The following WDR45 variants were observed in gnomAD, a reference collection of about 807,000 sequenced individuals.
The protein encoded by WDR45 is WD repeat domain 45.
In WDR45, 2 loss-of-function variants were observed where a neutral mutation model predicts 27.3. The observed-to-expected ratio is 0.07, with a 90% CI of 0.03 to 0.23. The LOEUF is 0.23. Ranked by LOEUF, WDR45 falls within the 10% of genes least tolerant of loss-of-function variation. The pLI is 1.00. For missense variants in WDR45, 175 were observed against 311.9 expected (o/e 0.56, Z 3.31); for synonymous variants, 99 against 119.2 (o/e 0.83, Z 1.11).
chrX:49,082,134 G>A (rs1324311262), upstream of WDR45: 2 of 110,315 alleles, frequency 1.8e-5, no homozygotes, highest in African/African-American at 6.6e-5. Context: ...CAATATAGTC[G>A]GCATTGGCAA....
Position 49,074,847 on chromosome X carries a change from C to T in WDR45, c.1039G>A (p.Ala347Thr). 8.3e-7 allele frequency: 1 copy of T among 1,211,781 alleles called. No individual in the cohort carries two copies. The highest frequency in any genetic ancestry group is 1.7e-5 in the African/African-American group (1 of 57,868). Residue 347 changes from alanine to threonine, a missense_variant, in exon 11 of 11, where the codon GCT becomes ACT. This residue lies in a region of WDR45 where 71 missense variants were observed against 123.0 expected (regional missense o/e 0.58). Transcript: ENST00000376372. Reference sequence around the variant, plus strand: ...CAGATGTCAAGGTACACGTCGAAAGCCTCTCTGTTGCAGTTTCCATCAGGA... The same window carrying T: ...CAGATGTCAAGGTACACGTCGAAAGTCTCTCTGTTGCAGTTTCCATCAGGA... Reference protein sequence around the residue: ...FTPDGNCNREAFDVYLDICDD... With the variant: ...FTPDGNCNRETFDVYLDICDD...
At chrX:49,085,665 C>T (rs1602546007) in intron 2 of WDR45, among the ~76,000 whole-genome samples, 1 of 112,473 alleles carries the variant, frequency 8.9e-6, no homozygotes, top group East Asian at 2.8e-4. Context: ...TGCTTGAGCC[C>T]AGGAGTTGGA....
chrX:49,076,718 C>G lies in WDR45; in HGVS notation c.268G>C (p.Asp90His). 1 of 1,208,858 alleles carries G rather than the reference C, an allele frequency of 8.3e-7. No homozygotes were observed. The highest frequency in any genetic ancestry group is 1.1e-6 in the Non-Finnish European group (1 of 893,914). ...LIWDDAREGK[D>H]SKEKLVLEFT... Reference sequence around the variant, plus strand: ...TCCAGCACCAGCTTCTCCTTGGAGTCCTTGCCCTCCCGGGCATCGTCCCAG... The same window carrying G: ...TCCAGCACCAGCTTCTCCTTGGAGTGCTTGCCCTCCCGGGCATCGTCCCAG... The change falls in exon 5 of 11, where the codon GAC becomes CAC. Residue 90 changes from aspartate (D) to histidine (H), a missense_variant. By Grantham distance (81) the Asp-to-His change is moderately conservative (BLOSUM62 -1). Around this residue, in one of 3 missense-constraint regions of WDR45, gnomAD observed 102 missense variants for 165.4 expected, o/e 0.62. Coordinates refer to ENST00000376372, the MANE Select transcript of WDR45 (RefSeq NM_001029896.2).
At chrX:49,099,582 C>T (rs1453533037) in intron 2 of WDR45, among the ~76,000 whole-genome samples, 5 of 109,892 alleles carry the variant, frequency 4.5e-5, no homozygotes, top group Non-Finnish European at 9.5e-5. Flanking sequence ...GAGATCGAGA[C>T]CATCCTGGCT....
intron 2 of WDR45, among the ~76,000 whole-genome samples, chrX:49,087,171 G>A (rs1267092829): frequency 2.8e-5 from 3 of 108,846 alleles, no homozygotes; most frequent in African/African-American, 6.7e-5. Context: ...CAGCCTGGAC[G>A]ACATGGTGAA....
At chrX:49,077,596 C>T in intron 4 of WDR45, 47 bp downstream of exon 4, 2 of 1,129,276 alleles carry the variant, frequency 1.8e-6, no homozygotes, top group Middle Eastern at 2.4e-4. Flanking sequence ...TGTGGGAGGC[C>T]AGGAATCCGA....
upstream of WDR45, among the ~76,000 whole-genome samples, chrX:49,083,580 C>T (rs1414209363): frequency 9.1e-6 from 1 of 110,343 alleles, no homozygotes; most frequent in Non-Finnish European, 1.9e-5. Context: ...GCTTATCCAT[C>T]CAAACAGATT....
intron 8 of WDR45, 23 bp from the exon 9 acceptor site, chrX:49,075,488 T>C (rs782554496): frequency 1.7e-5 from 21 of 1,207,852 alleles, no homozygotes; most frequent in Non-Finnish European, 1.9e-5. Context: ...TCAGCAGTGA[T>C]GCCCACATGT....
At chrX:49,089,213 A>G (rs1439721372) in intron 2 of WDR45, among the ~76,000 whole-genome samples, 7 of 111,560 alleles carry the variant, frequency 6.3e-5, no homozygotes, top group Non-Finnish European at 1.1e-4. Flanking sequence ...ACTTGAACTC[A>G]GGAGGCGGAA....
In WDR45 at chrX:49,076,477, T is replaced by G. The variant is rs782723092; in HGVS notation, c.389A>C (p.Asp130Ala). 3.5e-5 allele frequency: 42 copies of G among 1,211,983 alleles called. No homozygotes were observed. The highest frequency in any genetic ancestry group is 4.5e-5 in the Non-Finnish European group (40 of 895,535). Residue 130 changes from aspartate to alanine, a missense_variant, in exon 6 of 11, where the codon GAC becomes GCC. Physicochemically the swap from Asp to Ala is moderately radical, Grantham distance 126 (BLOSUM62 -2). Coordinates refer to ENST00000376372, the MANE Select transcript of WDR45 (RefSeq NM_001029896.2). ...AAACTCAAACAGCTTTCGGGGATTG[T>G]CGGGGAAGGAGTACACATAGATGCG... is the stretch of plus-strand genomic sequence containing the variant. ...KNRIYVYSFPDNPRKLFEFDT... is the reference protein window; with the variant it reads ...KNRIYVYSFPANPRKLFEFDT...
chrX:49,090,897 G>A lies in WDR45; in HGVS notation c.-18+9308C>T, dbSNP rs184833931. The stretch of plus-strand genomic sequence containing the variant: ...CACCCACACTGAAGTGCGGTGGCGC[G>A]ATCTCGGCTCACTGCAACCTCTGCC... On this transcript the variant is annotated intron_variant, in intron 2 of 11. Transcript: ENST00000356463. 5.1e-4 allele frequency among the ~76,000 whole-genome samples: 54 copies of A among 105,674 alleles called. 3 individuals carry two copies. The South Asian group carries it at 0.012, about 23-fold the overall frequency. 91.8% of individuals were successfully genotyped at this position (105,674 alleles called of 115,157 possible).
At position 49,075,724 on chromosome X, in the gene WDR45, C is replaced by T. The variant is rs782704339; in HGVS notation, c.546G>A (p.Ser182=). ...VDLASTKPGT[S]SAPFTINAHQ... ...GTGCATTGATCGTGAATGGAGCAGA[C>T]GAGGTGCCAGGCTTTGTGCTCGCCA... Residue 182 remains serine (S), a synonymous_variant, in exon 8 of 11, where the codon TCG becomes TCA. Coordinates refer to ENST00000376372, the MANE Select transcript of WDR45 (RefSeq NM_001029896.2). 12 of 1,209,204 alleles carry T rather than the reference C, an allele frequency of 9.9e-6. No homozygotes were observed. The highest frequency in any genetic ancestry group is 1.8e-5 in the South Asian group (1 of 56,565).
At chrX:49,086,494 G>A (rs1557085922) in intron 2 of WDR45, among the ~76,000 whole-genome samples, 2 of 111,473 alleles carry the variant, frequency 1.8e-5, no homozygotes, top group Non-Finnish European at 1.9e-5. Flanking sequence ...TGGGTGGGTG[G>A]GTGGAGGATG....
At chrX:49,076,297 G>A (rs1225166890) in intron 6 of WDR45, 133 bp downstream of exon 6, 1 of 699,664 alleles carries the variant, frequency 1.4e-6, no homozygotes, top group Non-Finnish European at 2.2e-6. Context: ...GAGAGGCTAT[G>A]AGTGTGAGCA....
upstream of WDR45, among the ~76,000 whole-genome samples, chrX:49,083,894 C>T (rs1168760239): frequency 2.1e-4 from 19 of 92,536 alleles, no homozygotes; most frequent in Non-Finnish European, 3.8e-4. Context: ...TTGCAGTGAG[C>T]TGAGATTGCA....
At chrX:49,086,607 T>G (rs868911104) in intron 2 of WDR45, among the ~76,000 whole-genome samples, 1 of 110,641 alleles carries the variant, frequency 9.0e-6, no homozygotes, top group Non-Finnish European at 1.9e-5. Context: ...CTTTTTTTTT[T>G]CCCCGAGGCG....
intron 6 of WDR45, chrX:49,076,176 C>T (rs1012815531): frequency 1.0e-4 from 47 of 461,020 alleles, no homozygotes; most frequent in Admixed American, 2.4e-4. Context: ...GCTCAGGGAT[C>T]CCTGACACAC....
In WDR45 at chrX:49,079,839, C is replaced by A. The variant is rs1602542255; in HGVS notation, c.-106G>T. ...GGGCCCCAGCTGTCGGTGCCGCCCG[C>A]GGCCCGGTTTTCTGACCTCCCGGGC... is the stretch of plus-strand genomic sequence containing the variant. On this transcript the variant is annotated 5_prime_UTR_variant, in exon 1 of 11. Coordinates refer to ENST00000376372, the MANE Select transcript of WDR45 (RefSeq NM_001029896.2). The A allele has an allele frequency of 6.2e-5, 7 of 113,536 alleles. 1 individual carries two copies. The highest frequency in any genetic ancestry group is 2.2e-4 in the African/African-American group (7 of 31,366). 9.4% of individuals were successfully genotyped at this position (113,536 alleles called of 1,213,427 possible). A position where few individuals can be genotyped will look rare whatever the true frequency, so the allele number is the denominator to read the frequency against.
At chrX:49,094,501 G>T (rs1250478091) in intron 2 of WDR45, among the ~76,000 whole-genome samples, 1 of 110,363 alleles carries the variant, frequency 9.1e-6, no homozygotes, top group Non-Finnish European at 1.9e-5. Context: ...TAGAGACGGG[G>T]TTTCCCCACG....
Sources: allele counts gnomAD v4.1 joint callset (sites outside exome capture counted in the v4.1 genomes callset), GRCh38; gene constraint gnomAD v4.1.1; regional missense constraint gnomAD v4.1.1; transcripts MANE v1.5; gene names NCBI Gene and HGNC (gene_info 2026-07-23, HGNC 2026-07-21).